GARIN5A: variants seen among roughly 807,000 people sequenced by gnomAD.
GARIN5A encodes Golgi-associated RAB2 interactor protein 5A.
the GARIN5A span, among the ~76,000 whole-genome samples, chr19:50,469,823 G>A: frequency 7.8e-4 from 119 of 152,220 alleles, 2 homozygotes; most frequent in East Asian, 0.021. Flanking sequence ...ACATATGCGC[G>A]GATGTCCCCT....
At chr19:50,474,458 G>A in the GARIN5A span, among the ~76,000 whole-genome samples, 144 of 151,620 alleles carry the variant, frequency 9.5e-4, no homozygotes, top group South Asian at 9.2e-3. Context: ...CCATTCTCCT[G>A]CCTCAGCCTC....
chr19:50,470,130 T>C, the GARIN5A span, among the ~76,000 whole-genome samples: 1 of 152,200 alleles, frequency 6.6e-6, no homozygotes, highest in African/African-American at 2.4e-5. Flanking sequence ...CAGGCATTTG[T>C]TTAAGGACGT....
the GARIN5A span, among the ~76,000 whole-genome samples, chr19:50,470,415 A>G: frequency 1.3e-5 from 2 of 151,812 alleles, no homozygotes; most frequent in Non-Finnish European, 2.9e-5. Context: ...TGGGAGGCTG[A>G]GGCAGGAGAA....
the GARIN5A span, among the ~76,000 whole-genome samples, chr19:50,471,975 T>C: frequency 1.3e-3 from 196 of 148,798 alleles, 4 homozygotes; most frequent in African/African-American, 4.7e-3. Context: ...TATATACATG[T>C]ATGTGTGTAT....
the GARIN5A span, chr19:50,475,378 G>A: frequency 6.2e-7 from 1 of 1,610,556 alleles, no homozygotes; most frequent in Non-Finnish European, 8.5e-7. Context: ...GAAGCAATAG[G>A]TCCGGGAGCT....
chr19:50,475,185 T>C, the GARIN5A span: 5 of 1,284,370 alleles, frequency 3.9e-6, no homozygotes, highest in African/African-American at 1.5e-5. Context: ...TTCTCCCGGG[T>C]AGATGGCAGC....
At chr19:50,476,411 T>C in the GARIN5A span, 11 of 1,545,534 alleles carry the variant, frequency 7.1e-6, no homozygotes, top group South Asian at 2.4e-5. Flanking sequence ...AGGCCCCAGG[T>C]GCGGACGGGT....
chr19:50,470,056 G>A, the GARIN5A span, among the ~76,000 whole-genome samples: 1 of 152,224 alleles, frequency 6.6e-6, no homozygotes, highest in Non-Finnish European at 1.5e-5. Flanking sequence ...CAGGCAGGTA[G>A]GTTGAGCTTG....
At chr19:50,475,395 C>T in the GARIN5A span, 1 of 1,611,034 alleles carries the variant, frequency 6.2e-7, no homozygotes, top group East Asian at 2.2e-5. Context: ...AGCTCCAGGG[C>T]TGGACTGGAG....
the GARIN5A span, chr19:50,475,803 T>C: frequency 6.6e-7 from 1 of 1,506,434 alleles, no homozygotes; most frequent in South Asian, 1.1e-5. Context: ...AGGCCGAGGC[T>C]GGGGATGAGG....
chr19:50,473,538 T>C, the GARIN5A span, among the ~76,000 whole-genome samples: 1 of 152,130 alleles, frequency 6.6e-6, no homozygotes, highest in African/African-American at 2.4e-5. Flanking sequence ...ATTTTGATTT[T>C]TGTAGAGATG....
At chr19:50,467,912 C>T in the GARIN5A span, 1 of 1,211,040 alleles carries the variant, frequency 8.3e-7, no homozygotes, top group Non-Finnish European at 1.2e-6. Flanking sequence ...CCCACCTTGC[C>T]ACCCCTCCCT....
the GARIN5A span, among the ~76,000 whole-genome samples, chr19:50,472,310 T>C: frequency 6.6e-6 from 1 of 151,798 alleles, no homozygotes; most frequent in African/African-American, 2.4e-5. Flanking sequence ...TATATATACA[T>C]GTATGTGTGT....
the GARIN5A span, chr19:50,476,004 A>G: frequency 6.2e-7 from 1 of 1,603,102 alleles, no homozygotes; most frequent in Non-Finnish European, 8.5e-7. Context: ...CTGGCTTCCC[A>G]ACTGAGAGGG....
At chr19:50,467,832 G>C in the GARIN5A span, 4 of 1,612,672 alleles carry the variant, frequency 2.5e-6, no homozygotes, top group Non-Finnish European at 3.4e-6. Context: ...GGAACAGCCT[G>C]GGTGGGAGGA....
the GARIN5A span, among the ~76,000 whole-genome samples, chr19:50,471,679 T>C: frequency 2.5e-3 from 347 of 141,178 alleles, 3 homozygotes; most frequent in African/African-American, 0.01. Flanking sequence ...TACGCATACA[T>C]GCACGTGTGT....
chr19:50,476,844 G>A, the GARIN5A span: 23 of 500,404 alleles, frequency 4.6e-5, no homozygotes, highest in Non-Finnish European at 2.8e-5. Context: ...CGGGTTGCAA[G>A]GACTGGGTGG....
chr19:50,473,035 A>G, the GARIN5A span, among the ~76,000 whole-genome samples: 2 of 152,202 alleles, frequency 1.3e-5, no homozygotes, highest in Non-Finnish European at 2.9e-5. Flanking sequence ...ATAAACAAAA[A>G]TAAAGGTATA....
the GARIN5A span, among the ~76,000 whole-genome samples, chr19:50,472,240 GTATTATATATACATGTATGTGTGTA>G: frequency 2.1e-4 from 16 of 75,246 alleles, no homozygotes; most frequent in Middle Eastern, 6.7e-3. Flanking sequence ...ATGTATGTGT[GTATTATATATACATGTATGTGTGTA>G]TATATGTATA....
Sources: allele counts gnomAD v4.1 joint callset (sites outside exome capture counted in the v4.1 genomes callset), GRCh38; gene constraint gnomAD v4.1.1; transcripts MANE v1.5; gene names NCBI Gene and HGNC (gene_info 2026-07-23, HGNC 2026-07-21).